Variants in TAFA2 observed in about 807,000 individuals in gnomAD.
TAFA2 encodes chemokine-like protein TAFA-2.
TAFA2 carries 7 observed loss-of-function variants against 18.8 expected under a neutral mutation model. That is an observed-to-expected ratio of 0.37 (90% CI 0.21 to 0.70). The LOEUF (loss-of-function observed/expected upper bound fraction) is 0.70. Among genes scored for constraint, TAFA2 ranks in the 30% least tolerant of loss-of-function variants. The pLI is 0.53. For synonymous variants in TAFA2, 60 were observed against 54.2 expected (o/e 1.11, Z -0.47); for missense variants, 122 against 158.1 (o/e 0.77, Z 1.23).
At chr12:61,822,165 G>C (rs1237360597) in intron 2 of TAFA2, among the ~76,000 whole-genome samples, 1 of 152,002 alleles carries the variant, frequency 6.6e-6, no homozygotes, top group African/African-American at 2.4e-5. Context: ...AATTCAATCT[G>C]TGGCTACTAT....
At chr12:61,795,822 A>C (rs1871166326) in intron 2 of TAFA2, among the ~76,000 whole-genome samples, 1 of 152,008 alleles carries the variant, frequency 6.6e-6, no homozygotes, top group Non-Finnish European at 1.5e-5. Context: ...ATAGAGCTAG[A>C]ATAATCAAGA....
chr12:62,079,807 A>G (rs1044209888), intron 1 of TAFA2, among the ~76,000 whole-genome samples: 1 of 152,228 alleles, frequency 6.6e-6, no homozygotes, highest in African/African-American at 2.4e-5. Context: ...TCTCACAAAA[A>G]AAGTGCATCA....
intron 1 of TAFA2, among the ~76,000 whole-genome samples, chr12:62,061,537 T>C (rs1416143979): frequency 2.0e-5 from 3 of 152,230 alleles, no homozygotes; most frequent in Non-Finnish European, 2.9e-5. Context: ...TTAAGAGATA[T>C]AAGACTGTAT....
intron 1 of TAFA2, among the ~76,000 whole-genome samples, chr12:62,127,066 A>G (rs1344970584): frequency 6.6e-6 from 1 of 152,140 alleles, no homozygotes; most frequent in African/African-American, 2.4e-5. Flanking sequence ...AAGTAAGTTG[A>G]AAAGAAAGTA....
intron 4 of TAFA2, among the ~76,000 whole-genome samples, chr12:61,737,423 A>G (rs1020530074): frequency 6.6e-6 from 1 of 151,960 alleles, no homozygotes; most frequent in Non-Finnish European, 1.5e-5. Flanking sequence ...ATGTTTATCT[A>G]ATAGTAATAG....
At chr12:61,764,047 C>A (rs1323307726) in intron 2 of TAFA2, among the ~76,000 whole-genome samples, 2 of 151,952 alleles carry the variant, frequency 1.3e-5, no homozygotes, top group African/African-American at 4.8e-5. Context: ...GTATTCTCCA[C>A]CTTCATTTTT....
chr12:61,911,646 G>C (rs1876618496), intron 1 of TAFA2, among the ~76,000 whole-genome samples: 1 of 151,998 alleles, frequency 6.6e-6, no homozygotes, highest in South Asian at 2.1e-4. Flanking sequence ...TTGTTGTCTG[G>C]GGCAGAGCAA....
At chr12:61,820,758 C>T (rs370022921) in intron 2 of TAFA2, among the ~76,000 whole-genome samples, 4 of 151,962 alleles carry the variant, frequency 2.6e-5, no homozygotes, top group African/African-American at 9.6e-5. Flanking sequence ...TTTTCCCCAG[C>T]TAGAATACTG....
At chr12:61,885,855 A>C (rs74641006) in intron 1 of TAFA2, among the ~76,000 whole-genome samples, 4,511 of 152,302 alleles carry the variant, frequency 0.03, 167 homozygotes, top group East Asian at 0.11. Context: ...ATTAAAGAGA[A>C]TACTATGACA....
At chr12:62,153,741 G>C (rs574947808) in intron 1 of TAFA2, among the ~76,000 whole-genome samples, 49 of 152,036 alleles carry the variant, frequency 3.2e-4, no homozygotes, top group African/African-American at 1.1e-3. Flanking sequence ...AGTATAGGAT[G>C]CGGAATAAAA....
intron 2 of TAFA2, among the ~76,000 whole-genome samples, chr12:61,817,826 C>T (rs1391546770): frequency 1.3e-5 from 2 of 152,172 alleles, no homozygotes; most frequent in Non-Finnish European, 2.9e-5. Context: ...TCAGTGGTCT[C>T]CTCAACCAAC....
chr12:62,104,882 C>T (rs1478586708), intron 1 of TAFA2: 1 of 308,240 alleles, frequency 3.2e-6, no homozygotes, highest in Non-Finnish European at 6.5e-6. Context: ...GATTGAGTTG[C>T]TATCTCCCTG....
At chr12:61,876,867 A>G (rs928041823) in intron 1 of TAFA2, among the ~76,000 whole-genome samples, 44 of 152,196 alleles carry the variant, frequency 2.9e-4, no homozygotes, top group Admixed American at 3.9e-4. Flanking sequence ...TTGGACAATT[A>G]TGTGCACTAG....
At chr12:62,019,080 A>G (rs1429040679) in intron 1 of TAFA2, among the ~76,000 whole-genome samples, 1 of 152,266 alleles carries the variant, frequency 6.6e-6, no homozygotes, top group Non-Finnish European at 1.5e-5. Flanking sequence ...AAAATTGCTC[A>G]TCATCACTGG....
chr12:61,938,329 T>A (rs1173764616), intron 1 of TAFA2, among the ~76,000 whole-genome samples: 1 of 152,062 alleles, frequency 6.6e-6, no homozygotes, highest in African/African-American at 2.4e-5. Flanking sequence ...CTTCTTTTTT[T>A]AAAACCTTTA....
intron 1 of TAFA2, among the ~76,000 whole-genome samples, chr12:61,998,000 G>T (rs1278290631): frequency 6.6e-6 from 1 of 152,014 alleles, no homozygotes; most frequent in African/African-American, 2.4e-5. Flanking sequence ...ATCCCCCTCA[G>T]TTCCAATCTG....
At position 61,761,954 on chromosome 12, in the gene TAFA2, G is replaced by T. The variant is rs549308977; in HGVS notation, c.107-6930C>A. Among the ~76,000 whole-genome samples the T allele has an allele frequency of 2.6e-5, 4 of 152,056 alleles. No homozygotes were observed. In the East Asian group the frequency reaches 7.8e-4, roughly 30 times the overall value. ...GTCCTGTTCTTGTGAAAGAAATTTG[G>T]TTATTTAGAAGTGTGTAGCACCTCC... On this transcript the variant is annotated intron_variant, in intron 2 of 4. Coordinates refer to ENST00000416284, the MANE Select transcript of TAFA2 (RefSeq NM_178539.5).
intron 1 of TAFA2, among the ~76,000 whole-genome samples, chr12:61,995,355 T>C (rs1880148978): frequency 6.6e-6 from 1 of 152,226 alleles, no homozygotes; most frequent in Non-Finnish European, 1.5e-5. Flanking sequence ...AAGTCATCAA[T>C]GTCACCTCCT....
intron 1 of TAFA2, among the ~76,000 whole-genome samples, chr12:62,241,881 T>C (rs1330841539): frequency 6.6e-6 from 1 of 152,196 alleles, no homozygotes; most frequent in Non-Finnish European, 1.5e-5. Flanking sequence ...AATACCCACT[T>C]ACACAAGTCC....
Sources: allele counts gnomAD v4.1 joint callset (sites outside exome capture counted in the v4.1 genomes callset), GRCh38; gene constraint gnomAD v4.1.1; transcripts MANE v1.5; gene names NCBI Gene and HGNC (gene_info 2026-07-23, HGNC 2026-07-21).